CEP97: variants seen among roughly 807,000 people sequenced by gnomAD.
CEP97 encodes the protein centrosomal protein of 97 kDa.
A neutral mutation model predicts 73.1 loss-of-function variants in CEP97; 43 were observed. The observed-to-expected ratio is 0.59, with a 90% CI of 0.46 to 0.76. CEP97 has a LOEUF of 0.76. CEP97 is among the 30% of genes least tolerant of loss of function. The probability of loss-of-function intolerance (pLI) is 0.00; values close to 1 mark genes in which losing one functional copy is unlikely to be tolerated. For missense variants in CEP97, 939 were observed against 1,014.0 expected (o/e 0.93, Z 1.00); for synonymous variants, 337 against 370.0 (o/e 0.91, Z 1.02).
chr3:101,762,433 CTG>C, intron 9 of CEP97, 50 bp from the exon 10 acceptor site: 1 of 1,149,582 alleles, frequency 8.7e-7, no homozygotes, highest in Non-Finnish European at 1.3e-6. Flanking sequence ...AACAGGAAGT[CTG>C]AGTCAAAGCA....
At position 101,765,933 on chromosome 3, in the gene CEP97, G is replaced by A. The variant is rs1487270816; in HGVS notation, c.*382G>A. On this transcript the variant is annotated 3_prime_UTR_variant, in exon 11 of 11. Transcript: ENST00000341893. ...AATAAGAGAATTTTGGCCCTTCTGT[G>A]TCTGAGAAAATTAATTATATAGCAA... 1 of 153,842 alleles carries A rather than the reference G, an allele frequency of 6.5e-6. No individual in the cohort carries two copies. Among genetic ancestry groups the A allele is most frequent in the African/African-American group, 2.4e-5 (1 of 41,462 alleles). The allele number at this position is 153,842 out of a possible 1,614,324, so 9.5% of individuals were successfully genotyped here.
At position 101,751,182 on chromosome 3, in the gene CEP97, A is replaced by T. The variant is rs929712833; in HGVS notation, c.729-4248A>T. On this transcript the variant is annotated intron_variant, in intron 6 of 10. Transcript: ENST00000341893. ...CATTTCGTTATGTACCCAGTAGTCA[A>T]TCTGGAGCAGGTTGTTCAGTTACCA... Among the ~76,000 whole-genome samples, 4 of 152,304 alleles carry T rather than the reference A, an allele frequency of 2.6e-5. No homozygotes were observed. The East Asian group carries it at 7.7e-4, about 29-fold the overall frequency.
chr3:101,729,728 C>A (rs767134118), intron 4 of CEP97, among the ~76,000 whole-genome samples: 13 of 152,054 alleles, frequency 8.5e-5, no homozygotes, highest in Non-Finnish European at 1.5e-4. Context: ...TACATCACCA[C>A]ACCCAGCTAA....
intron 9 of CEP97, among the ~76,000 whole-genome samples, chr3:101,760,042 A>AAAAAT (rs1189862718): frequency 7.3e-6 from 1 of 137,574 alleles, no homozygotes; most frequent in Non-Finnish European, 1.6e-5. Flanking sequence ...AAAAAAAAAA[A>AAAAAT]AAAAGAGGAA....
intron 6 of CEP97, among the ~76,000 whole-genome samples, chr3:101,743,873 G>C (rs561472642): frequency 6.6e-6 from 1 of 152,006 alleles, no homozygotes; most frequent in Admixed American, 6.6e-5. Flanking sequence ...GTATGGTCGC[G>C]CGTGCCTATA....
intron 6 of CEP97, among the ~76,000 whole-genome samples, chr3:101,751,189 G>A (rs965073681): frequency 1.3e-5 from 2 of 152,206 alleles, no homozygotes; most frequent in African/African-American, 4.8e-5. Flanking sequence ...TCAATCTGGA[G>A]CAGGTTGTTC....
chr3:101,732,544 T>C lies in CEP97; in HGVS notation c.618T>C (p.Pro206=). The change falls in exon 6 of 11, where the codon CCT becomes CCC. Residue 206 remains proline, a synonymous_variant. Coordinates refer to ENST00000341893, the MANE Select transcript of CEP97 (RefSeq NM_024548.4). ...ELEQLSIMNN[P]CVMATPSIPG... ...AACAGTTGTCGATTATGAACAATCC[T>C]TGTGTGATGGCAACACCATCCATCC... is the stretch of plus-strand genomic sequence containing the variant. 6.2e-7 allele frequency: 1 copy of C among 1,613,894 alleles called. No individual in the cohort carries two copies. Among genetic ancestry groups the C allele is most frequent in the South Asian group, 1.1e-5 (1 of 91,078 alleles).
chr3:101,747,068 T>G (rs1938639901), intron 6 of CEP97, among the ~76,000 whole-genome samples: 1 of 148,642 alleles, frequency 6.7e-6, no homozygotes, highest in Non-Finnish European at 1.5e-5. Context: ...GGAACACTTT[T>G]ACACTGTTGG....
intron 9 of CEP97, among the ~76,000 whole-genome samples, chr3:101,760,438 G>T (rs911999478): frequency 2.4e-4 from 37 of 152,190 alleles, no homozygotes; most frequent in African/African-American, 8.9e-4. Context: ...GGTTAATTTG[G>T]TTCAGCCAGG....
At chr3:101,736,849 T>C (rs1337501145) in intron 6 of CEP97, among the ~76,000 whole-genome samples, 1 of 152,206 alleles carries the variant, frequency 6.6e-6, no homozygotes, top group Non-Finnish European at 1.5e-5. Context: ...AGAATGAGTT[T>C]CACAAATTGA....
At chr3:101,738,593 T>TA (rs1304604007) in intron 6 of CEP97, among the ~76,000 whole-genome samples, 2 of 152,158 alleles carry the variant, frequency 1.3e-5, no homozygotes, top group African/African-American at 4.8e-5. Flanking sequence ...AACTACTGGG[T>TA]ACATAACGAA....
Position 101,765,236 on chromosome 3 carries a change from A to C in CEP97, c.2283A>C (p.Glu761Asp). 3 of 1,614,224 alleles carry C rather than the reference A, an allele frequency of 1.9e-6. No individual in the cohort carries two copies. The highest frequency in any genetic ancestry group is 2.5e-6 in the Non-Finnish European group (3 of 1,180,048). The part of the protein sequence containing the change: ...VSEEHGEWNK[E>D]SSNNEQDNSL... ...AAGAACATGGTGAATGGAATAAGGA[A>C]AGCTCAAATAACGAGCAGGACAATA... Residue 761 changes from glutamate (E) to aspartate (D), a missense_variant, in exon 11 of 11, where the codon GAA (glutamate) becomes GAC (aspartate). Physicochemically the swap from Glu to Asp is conservative, Grantham distance 45. Transcript: ENST00000341893.
intron 6 of CEP97, among the ~76,000 whole-genome samples, chr3:101,740,881 A>C (rs906937478): frequency 1.6e-4 from 24 of 151,994 alleles, no homozygotes; most frequent in African/African-American, 5.8e-4. Flanking sequence ...GAGCCAGCGC[A>C]CCCGGTCCCA....
intron 10 of CEP97, chr3:101,763,181 C>T (rs1459284178): frequency 1.6e-6 from 2 of 1,263,798 alleles, no homozygotes; most frequent in African/African-American, 3.1e-5. Flanking sequence ...TCCTCAGCCT[C>T]CCAAAGTGAG....
At chr3:101,737,456 A>T (rs1309965612) in intron 6 of CEP97, among the ~76,000 whole-genome samples, 1 of 152,158 alleles carries the variant, frequency 6.6e-6, no homozygotes, top group African/African-American at 2.4e-5. Context: ...AAGTCAAGTT[A>T]CAAAGGGAAG....
intron 6 of CEP97, among the ~76,000 whole-genome samples, chr3:101,748,108 G>A (rs1938679410): frequency 7.1e-6 from 1 of 140,914 alleles, no homozygotes. Context: ...CTCCAGCCTG[G>A]GTGGCAGAGA....
In CEP97 at chr3:101,769,089, T is replaced by C. The variant is rs1939393100; in HGVS notation, c.*3538T>C. On this transcript the variant is annotated 3_prime_UTR_variant, in exon 11 of 11. Transcript: ENST00000341893. ...ACACCATAATACTGTATTTTCCTGT[T>C]ATCTACTTAAGTCTAGTTCTACTTT... 6.6e-6 allele frequency: 1 copy of C among 152,196 alleles called. No individual in the cohort carries two copies. The highest frequency in any genetic ancestry group is 2.4e-5 in the African/African-American group (1 of 41,450). The allele number at this position is 152,196 out of a possible 1,614,324, so 9.4% of individuals were successfully genotyped here.
Position 101,758,268 on chromosome 3 carries a change from C to T in CEP97, c.1662C>T (p.Ala554=), listed in dbSNP as rs1415475114. ...TTGCTTTGGGACAAGACAAAGTTGC[C>T]CTTCAGAAATTAAATGATGCAGCCA... ...RSVALGQDKV[A]LQKLNDAATK... Residue 554 remains alanine, a synonymous_variant, in exon 9 of 11, where the codon GCC becomes GCT. Transcript: ENST00000341893. 2.5e-6 allele frequency: 4 copies of T among 1,614,038 alleles called. No homozygotes were observed. The African/African-American group carries it at 4.0e-5, about 16-fold the overall frequency.
rs201988050 is a variant in CEP97 at position 101,765,554 on chromosome 3, T to C, written c.*3T>C. 17 of 1,589,700 alleles carry C rather than the reference T, an allele frequency of 1.1e-5. No homozygotes were observed. The East Asian group carries it at 2.9e-4, about 27-fold the overall frequency. On this transcript the variant is annotated 3_prime_UTR_variant, in exon 11 of 11. Coordinates refer to ENST00000341893, the MANE Select transcript of CEP97 (RefSeq NM_024548.4). ...TGCATGTTGGTGTTACTGTGTAGCA[T>C]GTCTTTTGGGAGGCAGATATCCACT...
Sources: gnomAD v4.1 joint callset for allele counts (sites outside exome capture counted in the v4.1 genomes callset) on GRCh38, gnomAD v4.1.1 for gene constraint, MANE v1.5 for transcripts, NCBI Gene and HGNC (gene_info 2026-07-23, HGNC 2026-07-21) for gene names.